SMIM12: variants seen among roughly 807,000 people sequenced by gnomAD.
SMIM12 encodes the protein small integral membrane protein 12, also known as UPF0767 protein C1orf212.
SMIM12 carries 5 observed loss-of-function variants against 6.3 expected under a neutral mutation model. The ratio of observed to expected loss-of-function variants is 0.80; its 90% CI spans 0.42 to 1.68. The LOEUF is 1.68. Among genes scored for constraint, SMIM12 ranks in the 40% most tolerant of loss-of-function variants. The probability of loss-of-function intolerance (pLI) is 0.02; values close to 1 mark genes in which losing one functional copy is unlikely to be tolerated. For synonymous variants in SMIM12, 51 were observed against 48.0 expected (o/e 1.06, Z -0.26); for missense variants, 103 against 121.4 (o/e 0.85, Z 0.71).
At position 34,855,453 on chromosome 1, in the gene SMIM12, T is replaced by C; in HGVS notation, c.*246A>G. The C allele has an allele frequency of 1.9e-6, 3 of 1,584,894 alleles. No homozygotes were observed. The highest frequency in any genetic ancestry group is 2.6e-6 in the Non-Finnish European group (3 of 1,161,500). ...AACTCTCCTCCCAGCAGTGCACCAG[T>C]AAACTCAGATGCCTGAGTGCTTGTG... On this transcript the variant is annotated 3_prime_UTR_variant, in exon 2 of 2. Transcript: ENST00000521580.
rs1638613944 is a variant in SMIM12, at chr1:34,855,440, A to G, written c.*259T>C. 6.4e-7 allele frequency: 1 copy of G among 1,570,920 alleles called. No homozygotes were observed. Among genetic ancestry groups the G allele is most frequent in the Non-Finnish European group, 8.7e-7 (1 of 1,152,528 alleles). On this transcript the variant is annotated 3_prime_UTR_variant, in exon 2 of 2. Transcript: ENST00000521580. ...ATGTTCATCTCATAACTCTCCTCCC[A>G]GCAGTGCACCAGTAAACTCAGATGC...
chr1:34,855,721 C>G lies in SMIM12; in HGVS notation c.257G>C (p.Arg86Thr), dbSNP rs1416975752. The G allele has an allele frequency of 2.5e-6, 4 of 1,611,830 alleles. No individual in the cohort carries two copies. In the Admixed American group the frequency reaches 6.7e-5, roughly 27 times the overall value. Reference sequence around the variant, plus strand: ...CCATTAATTCTTCTCTGGGCGGTTTCTGTTCAGCACAGCTTTCGGGGCAAA... The same window carrying G: ...CCATTAATTCTTCTCTGGGCGGTTTGTGTTCAGCACAGCTTTCGGGGCAAA... Reference protein sequence around the residue: ...LEFAPKAVLNRNRPEKN With the variant: ...LEFAPKAVLNTNRPEKN The change falls in exon 2 of 2, where the codon AGA becomes ACA. Residue 86 changes from arginine (R) to threonine (T), a missense_variant. Physicochemically the swap from Arg to Thr is moderately conservative, Grantham distance 71. Transcript: ENST00000521580.
intron 1 of SMIM12, chr1:34,858,182 T>A (rs1482074141): frequency 1.3e-5 from 2 of 151,410 alleles, no homozygotes; most frequent in Non-Finnish European, 2.9e-5. Flanking sequence ...GGCACTATGA[T>A]GACAATTTAC....
Position 34,853,131 on chromosome 1 carries a change from G to A in SMIM12, c.*2568C>T, listed in dbSNP as rs969516365. 1 of 152,514 alleles carries A rather than the reference G, an allele frequency of 6.6e-6. No homozygotes were observed. Among genetic ancestry groups the A allele is most frequent in the African/African-American group, 2.4e-5 (1 of 41,430 alleles). 9.4% of individuals were successfully genotyped at this position (152,514 alleles called of 1,614,324 possible). Reference sequence around the variant, plus strand: ...CCTCTCAGGCCACCACCAGGTCCTGGAAGGCACCTCCAGCTGGCACCTCTT... The same window carrying A: ...CCTCTCAGGCCACCACCAGGTCCTGAAAGGCACCTCCAGCTGGCACCTCTT... On this transcript the variant is annotated 3_prime_UTR_variant, in exon 2 of 2. Transcript: ENST00000521580.
intron 1 of SMIM12, 117 bp downstream of exon 1, chr1:34,859,560 G>A (rs1393933232): frequency 6.6e-6 from 1 of 152,510 alleles, no homozygotes; most frequent in Non-Finnish European, 1.5e-5. Context: ...ACCCGCCAGA[G>A]AGGGGAGCTG....
Position 34,853,681 on chromosome 1 carries a change from T to C in SMIM12, c.*2018A>G, listed in dbSNP as rs1410122205. ...CATACTCCCACTTGATAGACAATTA[T>C]GTTGCTATTATAAACAACTACAGCC... On this transcript the variant is annotated 3_prime_UTR_variant, in exon 2 of 2. Coordinates refer to ENST00000521580, the MANE Select transcript of SMIM12 (RefSeq NM_138428.6). 2.0e-5 allele frequency: 3 copies of C among 152,262 alleles called. No homozygotes were observed. Among genetic ancestry groups the C allele is most frequent in the Non-Finnish European group, 4.4e-5 (3 of 68,040 alleles). The allele number at this position is 152,262 out of a possible 1,614,324, so 9.4% of individuals were successfully genotyped here. A position where few individuals can be genotyped will look rare whatever the true frequency, so the allele number is the denominator to read the frequency against.
chr1:34,855,140 G>C lies in SMIM12; in HGVS notation c.*559C>G. 3 of 1,355,566 alleles carry C rather than the reference G, an allele frequency of 2.2e-6. No individual in the cohort carries two copies. The South Asian group carries it at 3.5e-5, about 16-fold the overall frequency. The allele number at this position is 1,355,566 out of a possible 1,614,324, so 84.0% of individuals were successfully genotyped here. On this transcript the variant is annotated 3_prime_UTR_variant, in exon 2 of 2. Transcript: ENST00000521580. ...TTTCAAGCAAATTCACGAGGCACAT[G>C]TTCGTCCCTGCCCCAAAGTGAACAG...
In SMIM12 at chr1:34,855,408, A is replaced by G; in HGVS notation, c.*291T>C. 1.3e-6 allele frequency: 2 copies of G among 1,519,798 alleles called. No homozygotes were observed. Among genetic ancestry groups the G allele is most frequent in the Non-Finnish European group, 8.9e-7 (1 of 1,120,022 alleles). The allele number at this position is 1,519,798 out of a possible 1,614,324, so 94.1% of individuals were successfully genotyped here. A position where few individuals can be genotyped will look rare whatever the true frequency, so the allele number is the denominator to read the frequency against. The stretch of plus-strand genomic sequence containing the variant: ...CCAAACCGCCTGCCCACAGAGATTG[A>G]CAGCCAATGTTCATCTCATAACTCT... On this transcript the variant is annotated 3_prime_UTR_variant, in exon 2 of 2. Coordinates refer to ENST00000521580, the MANE Select transcript of SMIM12 (RefSeq NM_138428.6).
rs1245284141 is a variant in SMIM12, at chr1:34,852,235, C to A, written c.*3464G>T. Among the ~76,000 whole-genome samples, 1 of 152,092 alleles carries A rather than the reference C, an allele frequency of 6.6e-6. No homozygotes were observed. Among genetic ancestry groups the A allele is most frequent in the Non-Finnish European group, 1.5e-5 (1 of 68,020 alleles). On this transcript the variant is annotated 3_prime_UTR_variant, in exon 2 of 2. Coordinates refer to ENST00000521580, the MANE Select transcript of SMIM12 (RefSeq NM_138428.6). ...GCCACCTGGATTCCCAAAGATAGGG[C>A]TCTCTCGACCAGACACCAAGTGGAG... is the stretch of plus-strand genomic sequence containing the variant.
Position 34,855,258 on chromosome 1 carries a change from G to A in SMIM12, c.*441C>T, listed in dbSNP as rs774641454. 2 of 1,371,508 alleles carry A rather than the reference G, an allele frequency of 1.5e-6. No individual in the cohort carries two copies. Among genetic ancestry groups the A allele is most frequent in the South Asian group, 1.1e-5 (1 of 88,080 alleles). The allele number at this position is 1,371,508 out of a possible 1,614,324, so 85.0% of individuals were successfully genotyped here. On this transcript the variant is annotated 3_prime_UTR_variant, in exon 2 of 2. Coordinates refer to ENST00000521580, the MANE Select transcript of SMIM12 (RefSeq NM_138428.6). ...AGATTTCAGTAAGAATGAGCACAAA[G>A]GATAGGGCAAAATAGTGAAGGGAGC...
Position 34,851,170 on chromosome 1 carries a change from G to A in SMIM12, c.*4529C>T, listed in dbSNP as rs1640920881. Reference sequence around the variant, plus strand: ...TTGTTGTGAGGATGAGGTAATGTATGTAAAGTTTTAGCACAGTCTGTGACA... The same window carrying A: ...TTGTTGTGAGGATGAGGTAATGTATATAAAGTTTTAGCACAGTCTGTGACA... On this transcript the variant is annotated 3_prime_UTR_variant, in exon 2 of 2. Coordinates refer to ENST00000521580, the MANE Select transcript of SMIM12 (RefSeq NM_138428.6). The A allele has an allele frequency of 6.6e-6, 1 of 151,876 alleles. No homozygotes were observed. Among genetic ancestry groups the A allele is most frequent in the Non-Finnish European group, 1.5e-5 (1 of 67,972 alleles). The allele number at this position is 151,876 out of a possible 1,614,324, so 9.4% of individuals were successfully genotyped here. A position where few individuals can be genotyped will look rare whatever the true frequency, so the allele number is the denominator to read the frequency against.
At position 34,855,278 on chromosome 1, in the gene SMIM12, G is replaced by C; in HGVS notation, c.*421C>G. 1.5e-6 allele frequency: 2 copies of C among 1,375,358 alleles called. No individual in the cohort carries two copies. Among genetic ancestry groups the C allele is most frequent in the South Asian group, 2.3e-5 (2 of 88,124 alleles). 85.2% of individuals were successfully genotyped at this position (1,375,358 alleles called of 1,614,324 possible). On this transcript the variant is annotated 3_prime_UTR_variant, in exon 2 of 2. Transcript: ENST00000521580. Reference sequence around the variant, plus strand: ...ACAAAGGATAGGGCAAAATAGTGAAGGGAGCCAGGTGCATATTTGAATTCT... The same window carrying C: ...ACAAAGGATAGGGCAAAATAGTGAACGGAGCCAGGTGCATATTTGAATTCT...
intron 1 of SMIM12, 136 bp from the exon 2 acceptor site, chr1:34,856,118 T>G: frequency 9.2e-7 from 1 of 1,085,602 alleles, no homozygotes; most frequent in African/African-American, 1.6e-5. Flanking sequence ...TCTTGCTCTG[T>G]CGCCCAGGCT....
At chr1:34,859,035 C>G (rs1462583914) in intron 1 of SMIM12, 2 of 152,246 alleles carry the variant, frequency 1.3e-5, no homozygotes, top group African/African-American at 2.4e-5. Flanking sequence ...CACTCTCCCC[C>G]AAAAGGTGGC....
At position 34,855,025 on chromosome 1, in the gene SMIM12, G is replaced by A; in HGVS notation, c.*674C>T. The A allele has an allele frequency of 7.9e-7, 1 of 1,258,884 alleles. No individual in the cohort carries two copies. Among genetic ancestry groups the A allele is most frequent in the Non-Finnish European group, 1.0e-6 (1 of 967,454 alleles). The allele number at this position is 1,258,884 out of a possible 1,614,324, so 78.0% of individuals were successfully genotyped here. On this transcript the variant is annotated 3_prime_UTR_variant, in exon 2 of 2. Transcript: ENST00000521580. ...CTAAGAAGACCCCCAAATACCACCT[G>A]GATGATAAGATTCGATCATTATGGT...
rs1406268736 is a variant in SMIM12, at chr1:34,852,664, CTTCAT to C, written c.*3030_*3034del. 1 of 101,940 alleles carries C rather than the reference CTTCAT, an allele frequency of 9.8e-6. No individual in the cohort carries two copies. The highest frequency in any genetic ancestry group is 5.0e-5 in the African/African-American group (1 of 19,966). The allele number at this position is 101,940 out of a possible 1,614,324, so 6.3% of individuals were successfully genotyped here. On this transcript the variant is annotated 3_prime_UTR_variant, in exon 2 of 2. Transcript: ENST00000521580. Reference sequence around the variant, plus strand: ...AAAAAACCCTGAATTTCTAGCATCTCTTCATTTTTTTTTTTTTACCCCCTCTGGAG... The same window carrying C: ...AAAAAACCCTGAATTTCTAGCATCTCTTTTTTTTTTTTACCCCCTCTGGAG...
chr1:34,855,426 A>G lies in SMIM12; in HGVS notation c.*273T>C, dbSNP rs1225808992. The G allele has an allele frequency of 2.6e-6, 4 of 1,549,048 alleles. No individual in the cohort carries two copies. Among genetic ancestry groups the G allele is most frequent in the Non-Finnish European group, 3.5e-6 (4 of 1,138,508 alleles). On this transcript the variant is annotated 3_prime_UTR_variant, in exon 2 of 2. Coordinates refer to ENST00000521580, the MANE Select transcript of SMIM12 (RefSeq NM_138428.6). ...GAGATTGACAGCCAATGTTCATCTC[A>G]TAACTCTCCTCCCAGCAGTGCACCA...
At chr1:34,856,979 C>T (rs572835332) in intron 1 of SMIM12, among the ~76,000 whole-genome samples, 2 of 152,032 alleles carry the variant, frequency 1.3e-5, no homozygotes, top group African/African-American at 4.8e-5. Context: ...TTGTAATCCC[C>T]ATTACTCAGG....
Position 34,855,223 on chromosome 1 carries a change from C to A in SMIM12, c.*476G>T. ...TTCCTGGGGGAATCCCATTCCTGAG[C>A]TGACAAGACAGATTTCAGTAAGAAT... On this transcript the variant is annotated 3_prime_UTR_variant, in exon 2 of 2. Coordinates refer to ENST00000521580, the MANE Select transcript of SMIM12 (RefSeq NM_138428.6). 1 of 1,368,836 alleles carries A rather than the reference C, an allele frequency of 7.3e-7. No individual in the cohort carries two copies. Among genetic ancestry groups the A allele is most frequent in the Non-Finnish European group, 9.8e-7 (1 of 1,022,672 alleles). 84.8% of individuals were successfully genotyped at this position (1,368,836 alleles called of 1,614,324 possible).
Sources: gnomAD v4.1 joint callset for allele counts (sites outside exome capture counted in the v4.1 genomes callset) on GRCh38, gnomAD v4.1.1 for gene constraint, MANE v1.5 for transcripts, NCBI Gene and HGNC (gene_info 2026-07-23, HGNC 2026-07-21) for gene names.